SMPDL3A: variants seen among roughly 807,000 people sequenced by gnomAD.
The protein encoded by SMPDL3A is sphingomyelin phosphodiesterase acid like 3A, also known as cyclic GMP-AMP phosphodiesterase SMPDL3A.
Under a neutral mutation model 38.5 loss-of-function variants are expected in SMPDL3A, and 39 were observed. That is an observed-to-expected ratio of 1.01 (90% confidence interval 0.78 to 1.32). The LOEUF is 1.32. Ranked by LOEUF, SMPDL3A falls within the 40% of genes most tolerant of loss-of-function variation. The pLI is 0.00. For missense variants in SMPDL3A, 502 were observed against 536.2 expected (o/e 0.94, Z 0.63); for synonymous variants, 180 against 194.3 (o/e 0.93, Z 0.61).
chr6:122,801,452 C>A, intron 4 of SMPDL3A, 46 bp downstream of exon 4: 2 of 1,338,628 alleles, frequency 1.5e-6, no homozygotes, highest in South Asian at 1.2e-5. Flanking sequence ...AATTTTTATT[C>A]ATGTTATTTA....
intron 2 of SMPDL3A, among the ~76,000 whole-genome samples, chr6:122,796,533 T>C (rs945703190): frequency 6.6e-6 from 1 of 152,238 alleles, no homozygotes; most frequent in African/African-American, 2.4e-5. Flanking sequence ...TCTGGTTCAA[T>C]TGGCATCTGC....
chr6:122,793,740 A>C (rs1781150379), intron 1 of SMPDL3A, among the ~76,000 whole-genome samples: 1 of 152,206 alleles, frequency 6.6e-6, no homozygotes, highest in African/African-American at 2.4e-5. Flanking sequence ...AATGACAACT[A>C]TGTTGGGAAG....
chr6:122,791,818 C>G (rs944346916), intron 1 of SMPDL3A, among the ~76,000 whole-genome samples: 11 of 152,080 alleles, frequency 7.2e-5, no homozygotes, highest in African/African-American at 2.4e-4. Flanking sequence ...CTCAGCCTCC[C>G]GAGTAGCTGG....
intron 3 of SMPDL3A, among the ~76,000 whole-genome samples, chr6:122,797,937 C>G (rs1781305223): frequency 6.6e-6 from 1 of 152,154 alleles, no homozygotes; most frequent in East Asian, 1.9e-4. Flanking sequence ...TACGCTAGAT[C>G]TTTTTACCTC....
chr6:122,808,520 AT>A (rs1781711133), intron 7 of SMPDL3A, among the ~76,000 whole-genome samples: 1 of 151,974 alleles, frequency 6.6e-6, no homozygotes, highest in Non-Finnish European at 1.5e-5. Context: ...TATAGTTTGG[AT>A]TACATGCTAT....
Position 122,803,812 on chromosome 6 carries a change from C to T in SMPDL3A, c.717C>T (p.Asn239=), listed in dbSNP as rs1781504544. Residue 239 remains asparagine (N), a synonymous_variant, in exon 5 of 8, where the codon AAC becomes AAT. Coordinates refer to ENST00000368440, the MANE Select transcript of SMPDL3A (RefSeq NM_006714.5). ...AATGGCTAGAAAGTACATTGAACAACTCTCAGCAGAATAAGGAGAAGGTAG... is the reference window on the plus strand; with the variant it reads ...AATGGCTAGAAAGTACATTGAACAATTCTCAGCAGAATAAGGAGAAGGTAG... ...QFEWLESTLN[N]SQQNKEKVYI... is the part of the protein sequence containing the mutation. The T allele has an allele frequency of 2.5e-6, 4 of 1,613,808 alleles. No homozygotes were observed. The highest frequency in any genetic ancestry group is 1.3e-5 in the African/African-American group (1 of 74,912).
At chr6:122,798,537 C>T (rs1418718759) in intron 3 of SMPDL3A, among the ~76,000 whole-genome samples, 2 of 152,132 alleles carry the variant, frequency 1.3e-5, no homozygotes, top group Non-Finnish European at 2.9e-5. Context: ...CTCGCTGATG[C>T]AGAGATCACT....
Position 122,796,809 on chromosome 6 carries a change from T to C in SMPDL3A, c.327-15T>C. Reference sequence around the variant, plus strand: ...GAAACTGATTTTGTTCTTTACAATCTCTCTCTTTTTTCAGGGATAGCCCAC... The same window carrying C: ...GAAACTGATTTTGTTCTTTACAATCCCTCTCTTTTTTCAGGGATAGCCCAC... On this transcript the variant is annotated splice_polypyrimidine_tract_variant and intron_variant, in intron 2 of 7. Transcript: ENST00000368440. 1.2e-6 allele frequency: 2 copies of C among 1,601,498 alleles called. No homozygotes were observed. The highest frequency in any genetic ancestry group is 1.7e-6 in the Non-Finnish European group (2 of 1,171,676).
chr6:122,806,189 C>T lies in SMPDL3A; in HGVS notation c.920-44C>T, dbSNP rs777565540. ...ACTTTATATTTTTAATATAGTTAAACTCTTATTTAAAAATGTATGTTTATG... is the reference window on the plus strand; with the variant it reads ...ACTTTATATTTTTAATATAGTTAAATTCTTATTTAAAAATGTATGTTTATG... On this transcript the variant is annotated intron_variant, in intron 6 of 7. Coordinates refer to ENST00000368440, the MANE Select transcript of SMPDL3A (RefSeq NM_006714.5). 4.4e-5 allele frequency: 68 copies of T among 1,533,832 alleles called. 1 individual carries two copies. The East Asian group carries it at 1.6e-3, about 35-fold the overall frequency.
In SMPDL3A at chr6:122,804,115, G is replaced by C. The variant is rs138548966; in HGVS notation, c.738+282G>C. On this transcript the variant is annotated intron_variant, in intron 5 of 7. Transcript: ENST00000368440. ...CGATTCTCCTGCCTCTGCCTCCCCA[G>C]TTGCTGGGATTACAGGCACCCACCA... 7.7e-4 allele frequency among the ~76,000 whole-genome samples: 116 copies of C among 151,562 alleles called. 1 individual carries two copies. Among genetic ancestry groups the C allele is most frequent in the Middle Eastern group, 3.4e-3 (1 of 294 alleles).
intron 1 of SMPDL3A, chr6:122,789,960 A>G: frequency 1.2e-6 from 1 of 841,508 alleles, no homozygotes; most frequent in Non-Finnish European, 1.4e-6. Flanking sequence ...GACCGAGATC[A>G]GTGGCTTTTT....
At chr6:122,807,081 TG>T (rs112687449) in intron 7 of SMPDL3A, among the ~76,000 whole-genome samples, 22,978 of 139,842 alleles carry the variant, frequency 0.16, 1,868 homozygotes, top group South Asian at 0.21. Flanking sequence ...ATTGTAGAGA[TG>T]GGGGGGGGGG....
At chr6:122,800,227 G>T (rs551858115) in intron 3 of SMPDL3A, among the ~76,000 whole-genome samples, 1 of 152,078 alleles carries the variant, frequency 6.6e-6, no homozygotes, top group African/African-American at 2.4e-5. Flanking sequence ...TCATCCTGAA[G>T]ATACTTTATG....
At chr6:122,807,097 C>G (rs958936868) in intron 7 of SMPDL3A, among the ~76,000 whole-genome samples, 2 of 150,952 alleles carry the variant, frequency 1.3e-5, no homozygotes, top group African/African-American at 4.9e-5. Context: ...GGGGGGGTCT[C>G]CCTATGTTGC....
Position 122,801,382 on chromosome 6 carries a change from G to A in SMPDL3A, c.544G>A (p.Glu182Lys). The A allele has an allele frequency of 6.2e-7, 1 of 1,610,248 alleles. No homozygotes were observed. ...CCTCTGGAAACCATGGCTAGATGAA[G>A]AAGCTATTAGTACTTTAAGGAAAGG... ...ANLWKPWLDE[E>K]AISTLRKGGF... Residue 182 changes from glutamate (E) to lysine (K), a missense_variant, in exon 4 of 8, where the codon GAA becomes AAA. Transcript: ENST00000368440.
At chr6:122,789,588 G>A (rs967137424) in intron 1 of SMPDL3A, 130 bp downstream of exon 1, 2 of 896,294 alleles carry the variant, frequency 2.2e-6, no homozygotes, top group South Asian at 1.6e-5. Flanking sequence ...GGCCCCTGAC[G>A]CGTCCGGCGT....
At chr6:122,790,028 T>G (rs994619473) in intron 1 of SMPDL3A, 1 of 195,078 alleles carries the variant, frequency 5.1e-6, no homozygotes, top group Non-Finnish European at 9.3e-6. Flanking sequence ...CCCCTTAGTC[T>G]ACCGTGGAAC....
Position 122,796,815 on chromosome 6 carries a change from T to A in SMPDL3A, c.327-9T>A. 1 of 1,607,456 alleles carries A rather than the reference T, an allele frequency of 6.2e-7. No individual in the cohort carries two copies. The highest frequency in any genetic ancestry group is 1.1e-5 in the South Asian group (1 of 89,354). On this transcript the variant is annotated splice_polypyrimidine_tract_variant and intron_variant, in intron 2 of 7. Transcript: ENST00000368440. ...GATTTTGTTCTTTACAATCTCTCTCTTTTTTCAGGGATAGCCCACCTCATG... is the reference window on the plus strand; with the variant it reads ...GATTTTGTTCTTTACAATCTCTCTCATTTTTCAGGGATAGCCCACCTCATG...
intron 5 of SMPDL3A, among the ~76,000 whole-genome samples, chr6:122,804,485 A>AT (rs1781537740): frequency 1.3e-5 from 2 of 150,400 alleles, no homozygotes. Context: ...TTTTTCTATT[A>AT]TTTTTTGTAG....
Sources: gnomAD v4.1 joint callset for allele counts (sites outside exome capture counted in the v4.1 genomes callset) on GRCh38, gnomAD v4.1.1 for gene constraint, MANE v1.5 for transcripts, NCBI Gene and HGNC (gene_info 2026-07-23, HGNC 2026-07-21) for gene names.